The following LRRC75A variants were observed in gnomAD, a reference collection of about 807,000 sequenced individuals.
LRRC75A encodes leucine-rich repeat-containing protein 75A.
In LRRC75A, 12 loss-of-function variants were observed where a neutral mutation model predicts 26.0. The ratio of observed to expected loss-of-function variants is 0.46; its 90% confidence interval spans 0.30 to 0.75. The LOEUF (loss-of-function observed/expected upper bound fraction) is 0.75. LRRC75A is among the 30% of genes least tolerant of loss of function. LRRC75A has a pLI of 0.08. For synonymous variants in LRRC75A, 223 were observed against 219.3 expected (o/e 1.02, Z -0.15); for missense variants, 410 against 486.6 (o/e 0.84, Z 1.48).
chr17:16,448,198 T>A (rs1467044014), intron 2 of LRRC75A: 1 of 489,584 alleles, frequency 2.0e-6, no homozygotes, highest in Admixed American at 3.2e-5. Flanking sequence ...TTTATGTAAG[T>A]CTGGATTCCA....
intron 2 of LRRC75A, among the ~76,000 whole-genome samples, chr17:16,459,176 A>C (rs2093708501): frequency 6.6e-6 from 1 of 152,266 alleles, no homozygotes; most frequent in Admixed American, 6.5e-5. Flanking sequence ...AACAAGACAG[A>C]CACCCTTCCC....
Position 16,491,981 on chromosome 17 carries a change from G to C in LRRC75A, c.10C>G (p.Arg4Gly), listed in dbSNP as rs2093858612. 1.3e-5 allele frequency: 15 copies of C among 1,184,186 alleles called. No individual in the cohort carries two copies. Among genetic ancestry groups the C allele is most frequent in the African/African-American group, 1.6e-5 (1 of 61,530 alleles). 73.4% of individuals were successfully genotyped at this position (1,184,186 alleles called of 1,614,324 possible). The change falls in exon 1 of 4, where the codon CGG (arginine) becomes GGG (glycine). Residue 4 changes from arginine to glycine, a missense_variant. Physicochemically the swap from Arg to Gly is moderately radical, Grantham distance 125. Coordinates refer to ENST00000470794, the MANE Select transcript of LRRC75A (RefSeq NM_001113567.3). The surrounding 1 kb of genome is among the most constrained non-coding windows in gnomAD (Gnocchi z 5.9). ...TCCGCCAGGCTGCCCTTGGTCTGCC[G>C]GGTGCCCATGCCGCCGCCGCCCGCC... is the stretch of plus-strand genomic sequence containing the variant. MGT[R>G]QTKGSLAERA...
chr17:16,445,955 CTGG>C (rs2093581020), intron 3 of LRRC75A, among the ~76,000 whole-genome samples: 1 of 152,198 alleles, frequency 6.6e-6, no homozygotes, highest in South Asian at 2.1e-4. Context: ...GTTGCCCAGG[CTGG>C]AGTGCAGTGG....
At chr17:16,446,181 T>A (rs1601069369) in intron 3 of LRRC75A, among the ~76,000 whole-genome samples, 1 of 152,340 alleles carries the variant, frequency 6.6e-6, no homozygotes, top group East Asian at 1.9e-4. Context: ...AGTGCTGGGA[T>A]TACAGGCGTG....
At chr17:16,481,709 G>A (rs745382608) in intron 1 of LRRC75A, among the ~76,000 whole-genome samples, 3 of 152,038 alleles carry the variant, frequency 2.0e-5, no homozygotes, top group Non-Finnish European at 4.4e-5. Flanking sequence ...TCTCCTCCCC[G>A]AGCCCTGTCT....
chr17:16,474,087 A>C (rs2093813820), intron 1 of LRRC75A, among the ~76,000 whole-genome samples: 1 of 152,198 alleles, frequency 6.6e-6, no homozygotes, highest in African/African-American at 2.4e-5. Flanking sequence ...AATAATCTAA[A>C]GTAAGTTGGG....
intron 1 of LRRC75A, among the ~76,000 whole-genome samples, chr17:16,470,881 C>A (rs1007046881): frequency 1.3e-5 from 2 of 152,158 alleles, no homozygotes; most frequent in African/African-American, 2.4e-5. Flanking sequence ...CAGAGCTGCA[C>A]TCCCTCTAGA....
At chr17:16,476,914 A>AT (rs748244904) in intron 1 of LRRC75A, among the ~76,000 whole-genome samples, 9 of 151,182 alleles carry the variant, frequency 6.0e-5, no homozygotes, top group Non-Finnish European at 8.9e-5. Context: ...AATTTTTTGT[A>AT]TTTTTAGTAG....
chr17:16,444,204 C>T, intron 3 of LRRC75A, 73 bp from the exon 4 acceptor site: 1 of 1,218,964 alleles, frequency 8.2e-7, no homozygotes. Context: ...CAGTGCCAGC[C>T]TCTGCTCGGC....
At chr17:16,487,866 A>G (rs1038505016) in intron 1 of LRRC75A, among the ~76,000 whole-genome samples, 1 of 152,222 alleles carries the variant, frequency 6.6e-6, no homozygotes, top group Non-Finnish European at 1.5e-5. Context: ...GGCCCAAACA[A>G]GTTAACATAG....
chr17:16,455,467 C>T (rs2093669952), intron 2 of LRRC75A, among the ~76,000 whole-genome samples: 2 of 152,054 alleles, frequency 1.3e-5, no homozygotes, highest in Admixed American at 6.6e-5. Context: ...CAACCTCCAT[C>T]TCCCAGATTC....
At chr17:16,477,420 C>T (rs1396264764) in intron 1 of LRRC75A, among the ~76,000 whole-genome samples, 2 of 152,228 alleles carry the variant, frequency 1.3e-5, no homozygotes, top group East Asian at 3.9e-4. Context: ...AGAGATGAGT[C>T]ATGCTGGATG....
intron 1 of LRRC75A, among the ~76,000 whole-genome samples, chr17:16,482,031 TCTGA>T (rs1018673195): frequency 7.9e-5 from 12 of 152,046 alleles, no homozygotes; most frequent in South Asian, 2.1e-4. Flanking sequence ...GGGCAGGAAT[TCTGA>T]CTGTTACGCT....
intron 2 of LRRC75A, among the ~76,000 whole-genome samples, chr17:16,451,770 A>G (rs2093633075): frequency 6.8e-6 from 1 of 146,052 alleles, no homozygotes; most frequent in Non-Finnish European, 1.5e-5. Flanking sequence ...TTTGAGACGG[A>G]GTATCGCTCT....
chr17:16,453,600 T>C lies in LRRC75A; in HGVS notation c.376-5640A>G, dbSNP rs1478692295. 2.0e-5 allele frequency among the ~76,000 whole-genome samples: 3 copies of C among 152,088 alleles called. No homozygotes were observed. The East Asian group carries it at 5.8e-4, about 29-fold the overall frequency. ...AGAGTTCCCTTCTGCTTGTCTGAAC[T>C]AAACTGACAACAGCTAACATGTATT... On this transcript the variant is annotated intron_variant, in intron 2 of 3. Transcript: ENST00000470794.
Position 16,456,267 on chromosome 17 carries a change from G to GGAGGAGGAGGAA in LRRC75A, c.375+5979_375+5990dup, listed in dbSNP as rs765078950. Among the ~76,000 whole-genome samples the GGAGGAGGAGGAA allele has an allele frequency of 6.9e-3, 858 of 124,182 alleles. 30 individuals are homozygous for GGAGGAGGAGGAA. Among genetic ancestry groups the GGAGGAGGAGGAA allele is most frequent in the Non-Finnish European group, 0.012 (702 of 56,752 alleles). 81.5% of individuals were successfully genotyped at this position (124,182 alleles called of 152,430 possible). A position where few individuals can be genotyped will look rare whatever the true frequency, so the allele number is the denominator to read the frequency against. On this transcript the variant is annotated intron_variant, in intron 2 of 3. Transcript: ENST00000470794. The stretch of plus-strand genomic sequence containing the variant: ...AGAAGAAGGAAGAGGATCAGGAAGA[G>GGAGGAGGAGGAA]GAGGAGGAGGAAGAGGAGGAGGAAG...
Position 16,444,248 on chromosome 17 carries a change from T to A in LRRC75A, c.492-117A>T, listed in dbSNP as rs138024264. ...GCTAGGGACTGCTTTTACGAAACAC[T>A]TGGATGTCGGATGCCACAAGTGCAG... On this transcript the variant is annotated intron_variant, in intron 3 of 3. Transcript: ENST00000470794. 3,028 of 854,730 alleles carry A rather than the reference T, an allele frequency of 3.5e-3. 12 individuals carry two copies. Among genetic ancestry groups the A allele is most frequent in the South Asian group, 5.4e-3 (287 of 53,548 alleles). The allele number at this position is 854,730 out of a possible 1,614,324, so 52.9% of individuals were successfully genotyped here. A position where few individuals can be genotyped will look rare whatever the true frequency, so the allele number is the denominator to read the frequency against.
At position 16,443,541 on chromosome 17, in the gene LRRC75A, C is replaced by T. The variant is rs2093552194; in HGVS notation, c.*47G>A. The T allele has an allele frequency of 2.1e-6, 3 of 1,445,144 alleles. No individual in the cohort carries two copies. The South Asian group carries it at 4.2e-5, about 20-fold the overall frequency. 89.5% of individuals were successfully genotyped at this position (1,445,144 alleles called of 1,614,324 possible). On this transcript the variant is annotated 3_prime_UTR_variant, in exon 4 of 4. Coordinates refer to ENST00000470794, the MANE Select transcript of LRRC75A (RefSeq NM_001113567.3). ...AAGCGCCCTCCCCTGCCTGCCTTGCCCATTCTACCCAACAAGGACTCCCTG... is the reference window on the plus strand; with the variant it reads ...AAGCGCCCTCCCCTGCCTGCCTTGCTCATTCTACCCAACAAGGACTCCCTG...
chr17:16,483,437 G>A (rs552812071), intron 1 of LRRC75A, among the ~76,000 whole-genome samples: 185 of 152,314 alleles, frequency 1.2e-3, no homozygotes, highest in African/African-American at 4.3e-3. Context: ...TCCTGGGACC[G>A]CTGCATCCCA....
Sources: gnomAD v4.1 joint callset for allele counts (sites outside exome capture counted in the v4.1 genomes callset) on GRCh38, gnomAD v4.1.1 for gene constraint, Gnocchi (gnomAD v3.1) non-coding constraint, MANE v1.5 for transcripts, NCBI Gene and HGNC (gene_info 2026-07-23, HGNC 2026-07-21) for gene names.